The following NEBL variants were observed in gnomAD, a reference collection of about 807,000 sequenced individuals.
NEBL encodes the protein nebulette.
NEBL carries 122 observed loss-of-function variants against 140.2 expected under a neutral mutation model. The ratio of observed to expected loss-of-function variants is 0.87; its 90% CI spans 0.75 to 1.01. The LOEUF is 1.01. Among genes scored for constraint, NEBL ranks in the 50% least tolerant of loss-of-function variants. The pLI is 0.00. For synonymous variants in NEBL, 436 were observed against 398.9 expected, an observed-to-expected ratio of 1.09 and a Z score of -1.11; for missense variants, 1,365 against 1,231.3, an observed-to-expected ratio of 1.11 and a Z score of -1.62.
At chr10:20,885,834 G>T (rs1846466071) in intron 4 of NEBL, among the ~76,000 whole-genome samples, 1 of 152,096 alleles carries the variant, frequency 6.6e-6, no homozygotes, top group African/African-American at 2.4e-5. Context: ...GCCAGATATT[G>T]GCAGGAAAAA....
chr10:20,880,042 G>T (rs1490391540), intron 5 of NEBL, among the ~76,000 whole-genome samples: 1 of 152,152 alleles, frequency 6.6e-6, no homozygotes, highest in Non-Finnish European at 1.5e-5. Context: ...GTCTTAGGTT[G>T]GACCATCTGT....
intron 3 of NEBL, among the ~76,000 whole-genome samples, chr10:20,971,905 G>A (rs921162564): frequency 5.3e-5 from 8 of 152,004 alleles, no homozygotes; most frequent in Non-Finnish European, 1.0e-4. Context: ...GAGCCACCAC[G>A]CCCAGCCATA....
At chr10:20,961,899 A>C in intron 3 of NEBL, 1 of 740,076 alleles carries the variant, frequency 1.4e-6, no homozygotes, top group African/African-American at 1.7e-5. Context: ...TCTCAGCCGG[A>C]GGTGCAGTTA....
At chr10:20,943,742 C>G (rs1005643642) in intron 4 of NEBL, among the ~76,000 whole-genome samples, 5 of 152,198 alleles carry the variant, frequency 3.3e-5, no homozygotes, top group Non-Finnish European at 7.3e-5. Flanking sequence ...ATTCCTTACA[C>G]ACGTAAAACT....
chr10:20,874,416 G>A (rs998421369), intron 5 of NEBL, among the ~76,000 whole-genome samples: 23 of 152,162 alleles, frequency 1.5e-4, no homozygotes, highest in African/African-American at 5.1e-4. Context: ...TGAATGATCT[G>A]AGGCTGGAGG....
At chr10:20,919,525 T>C (rs188321032) in intron 4 of NEBL, among the ~76,000 whole-genome samples, 2 of 152,244 alleles carry the variant, frequency 1.3e-5, no homozygotes, top group Admixed American at 6.5e-5. Context: ...CATTAACCGA[T>C]AGAATGAGAT....
chr10:20,809,106 G>C (rs556641096), intron 25 of NEBL, among the ~76,000 whole-genome samples: 2 of 151,956 alleles, frequency 1.3e-5, no homozygotes, highest in Non-Finnish European at 2.9e-5. Context: ...CTTTGCCTTG[G>C]GTATTCAATT....
intron 4 of NEBL, among the ~76,000 whole-genome samples, chr10:20,928,091 A>G (rs1834002005): frequency 6.6e-6 from 1 of 152,242 alleles, no homozygotes; most frequent in African/African-American, 2.4e-5. Flanking sequence ...AATAGTTTAC[A>G]TATTTTTTAG....
intron 9 of NEBL, among the ~76,000 whole-genome samples, chr10:20,853,278 C>T (rs906966879): frequency 6.6e-6 from 1 of 152,112 alleles, no homozygotes; most frequent in Non-Finnish European, 1.5e-5. Flanking sequence ...ATGAAGGCTA[C>T]TATTTGGACA....
At chr10:21,024,722 A>G (rs1838952216) in intron 2 of NEBL, among the ~76,000 whole-genome samples, 1 of 152,168 alleles carries the variant, frequency 6.6e-6, no homozygotes, top group Non-Finnish European at 1.5e-5. Flanking sequence ...TCTCAACATC[A>G]TGTCCATGTA....
At chr10:20,803,072 C>G (rs1474648986) in intron 26 of NEBL, among the ~76,000 whole-genome samples, 1 of 152,118 alleles carries the variant, frequency 6.6e-6, no homozygotes, top group African/African-American at 2.4e-5. Flanking sequence ...GACACCACTG[C>G]CACACACCCC....
At chr10:21,020,429 T>C (rs547698082) in intron 2 of NEBL, among the ~76,000 whole-genome samples, 1 of 152,170 alleles carries the variant, frequency 6.6e-6, no homozygotes, top group South Asian at 2.1e-4. Context: ...CCTTGACTTC[T>C]CTTTTCTAAG....
At chr10:21,286,959 G>A (rs1843064341) in intron 1 of NEBL, among the ~76,000 whole-genome samples, 1 of 152,176 alleles carries the variant, frequency 6.6e-6, no homozygotes, top group African/African-American at 2.4e-5. Context: ...GACCAACAAA[G>A]GGTGGTGGGG....
At chr10:20,972,775 T>A (rs761227881) in intron 3 of NEBL, among the ~76,000 whole-genome samples, 2 of 151,396 alleles carry the variant, frequency 1.3e-5, no homozygotes, top group African/African-American at 4.9e-5. Context: ...AAAAAAAAAA[T>A]GTAAATGCAT....
rs749201210 is a variant in NEBL at position 20,868,710 on chromosome 10, CT to C, written c.637del (p.Arg213AspfsTer27). 2 of 1,613,074 alleles carry C rather than the reference CT, an allele frequency of 1.2e-6. No individual in the cohort carries two copies. The highest frequency in any genetic ancestry group is 2.2e-5 in the South Asian group (2 of 91,074). ...TTCCACGGCATGTTCAAAATCTGGT[CT>C]TCCAATTACAGCGGGCTCTTTATTC... Reference protein sequence around the residue: ...IMNKEPAVIGRPDFEHAVEAS... With the variant: ...IMNKEPAVIGXPDFEHAVEAS... On this transcript the variant is annotated frameshift_variant, in exon 7 of 28. Coordinates refer to ENST00000377122, the MANE Select transcript of NEBL (RefSeq NM_006393.3). LOFTEE classifies it high-confidence loss of function.
At chr10:20,848,904 T>TG (rs1842218663) in intron 11 of NEBL, among the ~76,000 whole-genome samples, 1 of 152,198 alleles carries the variant, frequency 6.6e-6, no homozygotes, top group African/African-American at 2.4e-5. Context: ...AATATCTGAG[T>TG]GCCTTTTTCC....
chr10:20,899,397 C>T, upstream of NEBL: 3 of 1,303,742 alleles, frequency 2.3e-6, no homozygotes, highest in Non-Finnish European at 3.0e-6. Flanking sequence ...GCTTGCAGTG[C>T]AGTTATTTCT....
At chr10:21,012,781 C>T (rs1290784305) in intron 3 of NEBL, among the ~76,000 whole-genome samples, 5 of 152,154 alleles carry the variant, frequency 3.3e-5, no homozygotes, top group African/African-American at 1.2e-4. Flanking sequence ...AACAAACAGC[C>T]TAGAGCCTGC....
In NEBL at chr10:21,158,946, C is replaced by T. The variant is rs560794689; in HGVS notation, c.164+13437G>A. ...TTAGAATATAAGTGCTTTTGAAACC[C>T]ACTTTGTCTTTAGAATTGTCACAAG... On this transcript the variant is annotated intron_variant, in intron 2 of 6. Transcript: ENST00000417816. Among the ~76,000 whole-genome samples, 290 of 152,182 alleles carry T rather than the reference C, an allele frequency of 1.9e-3. 1 individual carries two copies. The highest frequency in any genetic ancestry group is 2.6e-3 in the Non-Finnish European group (174 of 68,004).
Sources: allele counts gnomAD v4.1 joint callset (sites outside exome capture counted in the v4.1 genomes callset), GRCh38; gene constraint gnomAD v4.1.1; transcripts MANE v1.5; gene names NCBI Gene and HGNC (gene_info 2026-07-23, HGNC 2026-07-21).